The following QKI variants were observed in gnomAD, a reference collection of about 807,000 sequenced individuals.
QKI encodes QKI, KH domain containing RNA binding.
QKI carries 10 observed loss-of-function variants against 39.0 expected under a neutral mutation model. The observed-to-expected ratio is 0.26, with a 90% CI of 0.16 to 0.43. The LOEUF (loss-of-function observed/expected upper bound fraction) is 0.43, where lower values mean the gene tolerates loss of function less well. Among genes scored for constraint, QKI ranks in the 20% least tolerant of loss-of-function variants. QKI has a pLI of 1.00. For synonymous variants in QKI, 204 were observed against 155.4 expected (o/e 1.31, Z -2.33); for missense variants, 218 against 428.0 (o/e 0.51, Z 4.33).
chr6:163,485,008 A>C (rs1298621833), intron 3 of QKI, among the ~76,000 whole-genome samples: 1 of 152,130 alleles, frequency 6.6e-6, no homozygotes, highest in African/African-American at 2.4e-5. Flanking sequence ...ATTACTTGGG[A>C]GATTCAGGGG....
chr6:163,569,287 T>C (rs1454044980), intron 7 of QKI: 1 of 1,026,492 alleles, frequency 9.7e-7, no homozygotes. Context: ...TGATAGACTA[T>C]AGAAAACATT....
chr6:163,417,513 G>C (rs1787617273), intron 1 of QKI, among the ~76,000 whole-genome samples: 1 of 152,088 alleles, frequency 6.6e-6, no homozygotes, highest in Non-Finnish European at 1.5e-5. Flanking sequence ...TCTAAATTTA[G>C]AGCTGATTCC....
At chr6:163,568,090 C>T (rs1783476403) in intron 7 of QKI, 2 of 985,320 alleles carry the variant, frequency 2.0e-6, no homozygotes, top group Non-Finnish European at 2.4e-6. Flanking sequence ...GATGGTATTC[C>T]TTGTAAGTGT....
In QKI at chr6:163,546,036, A is replaced by G. The variant is rs142029334; in HGVS notation, c.546+10911A>G. On this transcript the variant is annotated intron_variant, in intron 4 of 7. Coordinates refer to ENST00000361752, the MANE Select transcript of QKI (RefSeq NM_006775.3). ...ATAAATATATAATTATATATTTTAT[A>G]TAATTATATAAAATATTAATATTTA... is the stretch of plus-strand genomic sequence containing the variant. Among the ~76,000 whole-genome samples the G allele has an allele frequency of 7.9e-3, 1,176 of 148,026 alleles. 16 individuals carry two copies. The highest frequency in any genetic ancestry group is 0.027 in the African/African-American group (1,113 of 40,862).
chr6:163,510,171 G>A (rs1057201334), intron 3 of QKI, among the ~76,000 whole-genome samples: 7 of 150,844 alleles, frequency 4.6e-5, no homozygotes, highest in Non-Finnish European at 8.9e-5. Flanking sequence ...AGCCAAGATC[G>A]TGCCACTGCA....
chr6:163,434,937 G>T (rs2128212434), intron 1 of QKI, among the ~76,000 whole-genome samples: 1 of 152,062 alleles, frequency 6.6e-6, no homozygotes, highest in Admixed American at 6.5e-5. Flanking sequence ...TTGATTATTT[G>T]TACAGATGGT....
At chr6:163,496,053 C>T (rs1005655597) in intron 3 of QKI, among the ~76,000 whole-genome samples, 2 of 152,120 alleles carry the variant, frequency 1.3e-5, no homozygotes, top group African/African-American at 4.8e-5. Context: ...ATTCCCTTTA[C>T]ATTTGTTAGT....
At chr6:163,476,277 G>GTTT (rs778589025) in intron 2 of QKI, among the ~76,000 whole-genome samples, 3 of 136,640 alleles carry the variant, frequency 2.2e-5, no homozygotes, top group African/African-American at 5.3e-5. Flanking sequence ...ATGTACTAAA[G>GTTT]TTTTTTTTTT....
chr6:163,563,425 C>G lies in QKI; in HGVS notation c.640C>G (p.Leu214Val). Residue 214 changes from leucine to valine, a missense_variant, in exon 6 of 8, where the codon CTT becomes GTT. By Grantham distance (32) the Leu-to-Val change is conservative. Transcript: ENST00000361752. ...AATTTCTTTGCTTACTGTAGCAGCC[C>G]TTGCCTTTTCTCTTGCAGCAACAGC... is the stretch of plus-strand genomic sequence containing the variant. ...YRDANIKSPALAFSLAATAQA... is the reference protein window; with the variant it reads ...YRDANIKSPAVAFSLAATAQA... 1 of 1,605,050 alleles carries G rather than the reference C, an allele frequency of 6.2e-7. No individual in the cohort carries two copies.
At chr6:163,568,122 G>A (rs1783478742) in intron 7 of QKI, 2 of 985,408 alleles carry the variant, frequency 2.0e-6, no homozygotes, top group African/African-American at 1.7e-5. Context: ...ACGTCTCATA[G>A]GGATGGGGAA....
At chr6:163,420,398 A>G (rs1787904328) in intron 1 of QKI, among the ~76,000 whole-genome samples, 2 of 152,148 alleles carry the variant, frequency 1.3e-5, no homozygotes, top group East Asian at 1.9e-4. Flanking sequence ...ATGCTGTGAC[A>G]TTGTTGGTTT....
chr6:163,432,808 C>G (rs1159058304), intron 1 of QKI, among the ~76,000 whole-genome samples: 1 of 152,074 alleles, frequency 6.6e-6, no homozygotes, highest in Non-Finnish European at 1.5e-5. Flanking sequence ...TGTTGATGTT[C>G]TGTACAGGTT....
chr6:163,566,849 A>C, intron 7 of QKI, 54 bp downstream of exon 7: 15 of 1,594,536 alleles, frequency 9.4e-6, no homozygotes, highest in Non-Finnish European at 1.3e-5. Context: ...GTGTCCATAA[A>C]ATTTGCAACA....
intron 2 of QKI, among the ~76,000 whole-genome samples, chr6:163,467,021 C>G (rs532477795): frequency 3.0e-4 from 44 of 148,076 alleles, no homozygotes; most frequent in Non-Finnish European, 6.2e-4. Context: ...TTAACTCAGC[C>G]CAAAACAACA....
intron 4 of QKI, among the ~76,000 whole-genome samples, chr6:163,537,144 T>A (rs898209273): frequency 3.3e-5 from 5 of 152,148 alleles, no homozygotes; most frequent in Non-Finnish European, 5.9e-5. Context: ...GAAGTTGAGC[T>A]ATATGATAGC....
chr6:163,552,340 C>G (rs1782284500), intron 4 of QKI, among the ~76,000 whole-genome samples: 2 of 151,062 alleles, frequency 1.3e-5, no homozygotes, highest in Non-Finnish European at 2.9e-5. Flanking sequence ...TCCCAAGTAG[C>G]TGGGACTACA....
At chr6:163,534,110 A>G (rs79800172) in intron 3 of QKI, among the ~76,000 whole-genome samples, 1,563 of 152,298 alleles carry the variant, frequency 0.01, 13 homozygotes, top group Non-Finnish European at 0.014. Flanking sequence ...TATTTTATTT[A>G]AAAACACTTT....
At chr6:163,532,664 G>T (rs538728544) in intron 3 of QKI, among the ~76,000 whole-genome samples, 2 of 152,160 alleles carry the variant, frequency 1.3e-5, no homozygotes, top group African/African-American at 4.8e-5. Context: ...TTTCAGTCTT[G>T]TTCTTTTCTA....
chr6:163,477,816 C>T (rs1792737199), intron 2 of QKI, among the ~76,000 whole-genome samples: 1 of 152,146 alleles, frequency 6.6e-6, no homozygotes, highest in African/African-American at 2.4e-5. Context: ...AAGTACCCAG[C>T]TTCTTAAGCC....
Sources: allele counts gnomAD v4.1 joint callset (sites outside exome capture counted in the v4.1 genomes callset), GRCh38; gene constraint gnomAD v4.1.1; transcripts MANE v1.5; gene names NCBI Gene and HGNC (gene_info 2026-07-23, HGNC 2026-07-21).